KCNH8: variants seen among roughly 807,000 people sequenced by gnomAD.
KCNH8 encodes the protein voltage-gated delayed rectifier potassium channel KCNH8.
Under a neutral mutation model 103.6 loss-of-function variants are expected in KCNH8, and 70 were observed. That is an observed-to-expected ratio of 0.68 (90% confidence interval 0.56 to 0.82). The LOEUF (loss-of-function observed/expected upper bound fraction) is 0.82. Ranked by LOEUF, KCNH8 falls within the 40% of genes least tolerant of loss-of-function variation. KCNH8 has a pLI of 0.00. For synonymous variants in KCNH8, 498 were observed against 489.4 expected (o/e 1.02, Z -0.23); for missense variants, 1,217 against 1,329.9 (o/e 0.92, Z 1.32).
At chr3:19,274,238 G>C (rs1249774197) in intron 2 of KCNH8, among the ~76,000 whole-genome samples, 1 of 152,156 alleles carries the variant, frequency 6.6e-6, no homozygotes, top group Non-Finnish European at 1.5e-5. Context: ...GTAAAATATA[G>C]TTCAGTGCAG....
intron 3 of KCNH8, among the ~76,000 whole-genome samples, chr3:19,306,195 C>T (rs181575417): frequency 2.0e-5 from 3 of 152,020 alleles, no homozygotes; most frequent in East Asian, 1.9e-4. Context: ...CAGAATTCAC[C>T]GATTAGGATG....
intron 11 of KCNH8, among the ~76,000 whole-genome samples, chr3:19,469,801 C>T (rs2067818108): frequency 6.6e-6 from 1 of 152,194 alleles, no homozygotes; most frequent in African/African-American, 2.4e-5. Context: ...TAGTTCCTGA[C>T]TGCAGCAAAA....
chr3:19,330,701 T>G (rs2065493233), intron 3 of KCNH8, among the ~76,000 whole-genome samples: 1 of 152,190 alleles, frequency 6.6e-6, no homozygotes, highest in African/African-American at 2.4e-5. Context: ...TTTTTGGTTT[T>G]GTTTTGGTAT....
At chr3:19,274,353 A>G (rs2064632333) in intron 2 of KCNH8, among the ~76,000 whole-genome samples, 1 of 152,118 alleles carries the variant, frequency 6.6e-6, no homozygotes, top group Non-Finnish European at 1.5e-5. Flanking sequence ...TACAGCAATC[A>G]CTAGGTCCTT....
At position 19,533,852 on chromosome 3, in the gene KCNH8, T is replaced by C. The variant is rs2069216414; in HGVS notation, c.3077T>C (p.Ile1026Thr). 4 of 1,614,178 alleles carry C rather than the reference T, an allele frequency of 2.5e-6. No individual in the cohort carries two copies. Among genetic ancestry groups the C allele is most frequent in the Non-Finnish European group, 3.4e-6 (4 of 1,180,022 alleles). Residue 1026 changes from isoleucine to threonine, a missense_variant, in exon 16 of 16, where the codon ATT becomes ACT. By Grantham distance (89) the Ile-to-Thr change is moderately conservative. Coordinates refer to ENST00000328405, the MANE Select transcript of KCNH8 (RefSeq NM_144633.3). ...TCTACGTTGACGCCTCTGCAGTCCA[T>C]TTCAGCAACTCTCTCATCTTCTGTC... ...SDSTLTPLQS[I>T]SATLSSSVCS...
At chr3:19,450,059 C>A (rs201115270) in intron 8 of KCNH8, 47 bp from the exon 9 acceptor site, 121 of 1,501,642 alleles carry the variant, frequency 8.1e-5, no homozygotes, top group Non-Finnish European at 7.4e-6. Context: ...CGTGGTGGGC[C>A]TCATGTCACA....
At chr3:19,496,846 TTTTATTACTGTTTCAATTTTGGAAC>T (rs1458563345) in intron 11 of KCNH8, among the ~76,000 whole-genome samples, 15 of 152,260 alleles carry the variant, frequency 9.9e-5, no homozygotes, top group Admixed American at 2.0e-4. Flanking sequence ...TTGGTTGGCT[TTTTATTACTGTTTCAATTTTGGAAC>T]TCATTATTGG....
intron 1 of KCNH8, among the ~76,000 whole-genome samples, chr3:19,244,343 T>C (rs2064177932): frequency 6.6e-6 from 1 of 152,208 alleles, no homozygotes; most frequent in African/African-American, 2.4e-5. Context: ...CAGTCTACCA[T>C]AGATGGGCCC....
At chr3:19,180,429 A>G (rs2063440631) in intron 1 of KCNH8, among the ~76,000 whole-genome samples, 1 of 152,190 alleles carries the variant, frequency 6.6e-6, no homozygotes, top group Non-Finnish European at 1.5e-5. Flanking sequence ...GAATAAACAG[A>G]AGGCTGTCAA....
chr3:19,234,061 A>G (rs1216431446), intron 1 of KCNH8, among the ~76,000 whole-genome samples: 1 of 152,178 alleles, frequency 6.6e-6, no homozygotes, highest in Non-Finnish European at 1.5e-5. Flanking sequence ...TGGCACCGGC[A>G]GCCTGCTTTT....
chr3:19,425,865 A>G (rs897877414), intron 7 of KCNH8, among the ~76,000 whole-genome samples: 2 of 152,204 alleles, frequency 1.3e-5, no homozygotes, highest in Non-Finnish European at 2.9e-5. Context: ...AGACTACCAC[A>G]TAGAGGGAAG....
chr3:19,467,284 G>A (rs1251225130), intron 11 of KCNH8, among the ~76,000 whole-genome samples: 1 of 145,934 alleles, frequency 6.9e-6, no homozygotes, highest in Non-Finnish European at 1.5e-5. Flanking sequence ...TCCTTTCGCA[G>A]ATTCATGTAT....
rs532702412 is a variant in KCNH8 at position 19,289,683 on chromosome 3, G to A, written c.442+8354G>A. Among the ~76,000 whole-genome samples, 43 of 152,150 alleles carry A rather than the reference G, an allele frequency of 2.8e-4. 3 individuals are homozygous for A. The highest frequency in any genetic ancestry group is 2.7e-3 in the South Asian group (13 of 4,810). On this transcript the variant is annotated intron_variant, in intron 3 of 15. Coordinates refer to ENST00000328405, the MANE Select transcript of KCNH8 (RefSeq NM_144633.3). The stretch of plus-strand genomic sequence containing the variant: ...GTCATGCCTCCAGCTTTTGGCTGGA[G>A]GATTCCAGCCAAATCTTTTGGCTTA...
In KCNH8 at chr3:19,172,744, G is replaced by A. The variant is rs116596963; in HGVS notation, c.76+23949G>A. 1.7e-3 allele frequency among the ~76,000 whole-genome samples: 262 copies of A among 152,326 alleles called. 1 individual carries two copies. The highest frequency in any genetic ancestry group is 3.4e-3 in the Middle Eastern group (1 of 294). Reference sequence around the variant, plus strand: ...ATTTGTCACAGCTGAACAAGTAGCAGAGTCATGGTTCAAACTCTGTACTTG... The same window carrying A: ...ATTTGTCACAGCTGAACAAGTAGCAAAGTCATGGTTCAAACTCTGTACTTG... On this transcript the variant is annotated intron_variant, in intron 1 of 15. Transcript: ENST00000328405.
intron 1 of KCNH8, among the ~76,000 whole-genome samples, chr3:19,221,443 T>C (rs764922901): frequency 2.0e-5 from 3 of 152,228 alleles, no homozygotes; most frequent in Non-Finnish European, 2.9e-5. Flanking sequence ...CAGTGATTAA[T>C]AAAGCCATTA....
intron 15 of KCNH8, among the ~76,000 whole-genome samples, chr3:19,523,033 A>C (rs1328370175): frequency 6.6e-6 from 1 of 151,874 alleles, no homozygotes; most frequent in African/African-American, 2.4e-5. Context: ...TTTGCTGGGA[A>C]TCGGAGTGAT....
At chr3:19,480,538 A>G (rs1383121089) in intron 11 of KCNH8, among the ~76,000 whole-genome samples, 1 of 152,236 alleles carries the variant, frequency 6.6e-6, no homozygotes, top group Non-Finnish European at 1.5e-5. Context: ...AGGCAATTAT[A>G]GGTTGAATAG....
chr3:19,326,789 A>G (rs999229554), intron 3 of KCNH8, among the ~76,000 whole-genome samples: 5 of 152,084 alleles, frequency 3.3e-5, no homozygotes, highest in African/African-American at 4.8e-5. Context: ...TTTCCCCAAA[A>G]CTTGAAAAAT....
intron 1 of KCNH8, among the ~76,000 whole-genome samples, chr3:19,184,516 C>T (rs2063484619): frequency 6.6e-6 from 1 of 151,810 alleles, no homozygotes; most frequent in African/African-American, 2.4e-5. Flanking sequence ...AAAATCTTAA[C>T]GTTTAATAAG....
Sources: allele counts gnomAD v4.1 joint callset (sites outside exome capture counted in the v4.1 genomes callset), GRCh38; gene constraint gnomAD v4.1.1; transcripts MANE v1.5; gene names NCBI Gene and HGNC (gene_info 2026-07-23, HGNC 2026-07-21).